Variants in RIPK2 observed in about 807,000 individuals in gnomAD.
RIPK2 encodes receptor interacting serine/threonine kinase 2, also known as receptor-interacting serine/threonine-protein kinase 2.
Under a neutral mutation model 60.9 loss-of-function variants are expected in RIPK2, and 38 were observed. That is an observed-to-expected ratio of 0.62 (90% CI 0.48 to 0.82). RIPK2 has a LOEUF of 0.82. RIPK2 is among the 40% of genes least tolerant of loss of function. The pLI is 0.00. For missense variants in RIPK2, 518 were observed against 647.0 expected (o/e 0.80, Z 2.16); for synonymous variants, 225 against 223.4 (o/e 1.01, Z -0.06).
Position 89,786,578 on chromosome 8 carries a change from T to G in RIPK2, c.1030-15T>G. 7.1e-7 allele frequency: 1 copy of G among 1,408,816 alleles called. No individual in the cohort carries two copies. Among genetic ancestry groups the G allele is most frequent in the Non-Finnish European group, 9.9e-7 (1 of 1,010,696 alleles). 87.3% of individuals were successfully genotyped at this position (1,408,816 alleles called of 1,614,324 possible). A position where few individuals can be genotyped will look rare whatever the true frequency, so the allele number is the denominator to read the frequency against. Reference sequence around the variant, plus strand: ...TTTTTATTAACCTAAACCCTTTATTTTTTATTTACTTTAGGAATCATGTGG... The same window carrying G: ...TTTTTATTAACCTAAACCCTTTATTGTTTATTTACTTTAGGAATCATGTGG... On this transcript the variant is annotated splice_polypyrimidine_tract_variant and intron_variant, in intron 8 of 10. Coordinates refer to ENST00000220751, the MANE Select transcript of RIPK2 (RefSeq NM_003821.6).
In RIPK2 at chr8:89,780,160, G is replaced by A; in HGVS notation, c.939G>A (p.Lys313=). ...CTGTTATTCAGCTAAAGAAAACAAAGGTAAGTTGCTAAATGAAATGCTGGA... is the reference window on the plus strand; with the variant it reads ...CTGTTATTCAGCTAAAGAAAACAAAAGTAAGTTGCTAAATGAAATGCTGGA... ...LEAVIQLKKT[K]LQSVSSAIHL... The change falls in exon 7 of 11, where the codon AAG becomes AAA. Residue 313 remains lysine, a splice_region_variant and synonymous_variant. Coordinates refer to ENST00000220751, the MANE Select transcript of RIPK2 (RefSeq NM_003821.6). The A allele has an allele frequency of 1.4e-6, 2 of 1,473,588 alleles. No individual in the cohort carries two copies. Among genetic ancestry groups the A allele is most frequent in the Non-Finnish European group, 1.9e-6 (2 of 1,075,138 alleles). 91.3% of individuals were successfully genotyped at this position (1,473,588 alleles called of 1,614,324 possible).
Position 89,772,696 on chromosome 8 carries a change from A to G in RIPK2, c.721A>G (p.Ser241Gly). 2 of 1,609,836 alleles carry G rather than the reference A, an allele frequency of 1.2e-6. No homozygotes were observed. The highest frequency in any genetic ancestry group is 1.1e-5 in the South Asian group (1 of 90,570). The part of the protein sequence containing the change: ...DVTNPLQIMY[S>G]VSQGHRPVIN... Reference sequence around the variant, plus strand: ...CACCAATCCTTTGCAGATAATGTATAGTGTGTCACAAGGACATCGACCTGT... The same window carrying G: ...CACCAATCCTTTGCAGATAATGTATGGTGTGTCACAAGGACATCGACCTGT... The change falls in exon 6 of 11, where the codon AGT (serine) becomes GGT (glycine). Residue 241 changes from serine (S) to glycine (G), a missense_variant. By Grantham distance (56) the Ser-to-Gly change is moderately conservative. Around this residue, in one of 3 missense-constraint regions of RIPK2, gnomAD observed 448 missense variants for 534.7 expected, o/e 0.84. Coordinates refer to ENST00000220751, the MANE Select transcript of RIPK2 (RefSeq NM_003821.6).
chr8:89,790,995 C>G lies in RIPK2; in HGVS notation c.*579C>G, dbSNP rs1809669357. On this transcript the variant is annotated 3_prime_UTR_variant, in exon 11 of 11. Coordinates refer to ENST00000220751, the MANE Select transcript of RIPK2 (RefSeq NM_003821.6). Reference sequence around the variant, plus strand: ...TATATTAATACCGGCTTCCTGTCCCCATTTTTAACCTCAGCCTTCCCTACT... The same window carrying G: ...TATATTAATACCGGCTTCCTGTCCCGATTTTTAACCTCAGCCTTCCCTACT... The G allele has an allele frequency of 2.6e-5, 4 of 152,144 alleles. No individual in the cohort carries two copies. Among genetic ancestry groups the G allele is most frequent in the Non-Finnish European group, 5.9e-5 (4 of 68,030 alleles). The allele number at this position is 152,144 out of a possible 1,614,324, so 9.4% of individuals were successfully genotyped here.
At chr8:89,764,643 G>A (rs1273740552) in intron 2 of RIPK2, among the ~76,000 whole-genome samples, 2 of 152,012 alleles carry the variant, frequency 1.3e-5, no homozygotes, top group African/African-American at 4.8e-5. Flanking sequence ...GATATTATTT[G>A]AGTACTATGA....
intron 7 of RIPK2, among the ~76,000 whole-genome samples, chr8:89,782,682 G>A (rs1234572495): frequency 1.3e-5 from 2 of 151,808 alleles, no homozygotes; most frequent in Non-Finnish European, 2.9e-5. Flanking sequence ...AAATTAGTAG[G>A]GAAATTTGTT....
At chr8:89,759,551 C>T (rs1809111145) in intron 1 of RIPK2, 1 of 384,968 alleles carries the variant, frequency 2.6e-6, no homozygotes, top group African/African-American at 2.1e-5. Flanking sequence ...TGTCAGGCTT[C>T]GATGGCCTAA....
At chr8:89,782,135 TG>T (rs1274659562) in intron 7 of RIPK2, among the ~76,000 whole-genome samples, 33 of 151,968 alleles carry the variant, frequency 2.2e-4, no homozygotes, top group Admixed American at 2.2e-3. Context: ...AGTGAGACCC[TG>T]TCTCAAAAAA....
Position 89,790,472 on chromosome 8 carries a change from G to C in RIPK2, c.*56G>C. On this transcript the variant is annotated 3_prime_UTR_variant, in exon 11 of 11. Transcript: ENST00000220751. ...ATAAAAGGATATTTATATCTCTGTTGCTTTGACTTTTTTTATATAAAATCC... is the reference window on the plus strand; with the variant it reads ...ATAAAAGGATATTTATATCTCTGTTCCTTTGACTTTTTTTATATAAAATCC... 7.7e-7 allele frequency: 1 copy of C among 1,292,890 alleles called. No individual in the cohort carries two copies. Among genetic ancestry groups the C allele is most frequent in the South Asian group, 1.5e-5 (1 of 65,848 alleles). The allele number at this position is 1,292,890 out of a possible 1,614,324, so 80.1% of individuals were successfully genotyped here.
chr8:89,782,644 A>G (rs74761486), intron 7 of RIPK2, among the ~76,000 whole-genome samples: 8 of 131,790 alleles, frequency 6.1e-5, no homozygotes, highest in East Asian at 2.3e-4. Flanking sequence ...GTCTCTTAAG[A>G]AAAAAAAAAA....
rs182979676 is a variant in RIPK2, at chr8:89,768,026, A to T, written c.484-1746A>T. 3.6e-3 allele frequency among the ~76,000 whole-genome samples: 550 copies of T among 151,808 alleles called. 1 individual carries two copies. The highest frequency in any genetic ancestry group is 0.013 in the African/African-American group (528 of 41,492). ...ATACTATTTTTGGTGCGGTTTGATG[A>T]ATGCAGACTTTAGTGAAAGTGTCAT... On this transcript the variant is annotated intron_variant, in intron 3 of 10. Coordinates refer to ENST00000220751, the MANE Select transcript of RIPK2 (RefSeq NM_003821.6).
At chr8:89,777,174 A>G (rs1809412412) in intron 6 of RIPK2, among the ~76,000 whole-genome samples, 1 of 152,256 alleles carries the variant, frequency 6.6e-6, no homozygotes, top group African/African-American at 2.4e-5. Flanking sequence ...TATTCAGTGG[A>G]GCACTGATCA....
At chr8:89,778,618 G>T (rs1809442027) in intron 6 of RIPK2, among the ~76,000 whole-genome samples, 1 of 152,114 alleles carries the variant, frequency 6.6e-6, no homozygotes, top group African/African-American at 2.4e-5. Context: ...TGTTTCTCAG[G>T]TTCATCCAGG....
Position 89,758,225 on chromosome 8 carries a change from G to A in RIPK2, c.165G>A (p.Leu55=), listed in dbSNP as rs1190567241. The part of the protein sequence containing the change: ...AVKHLHIHTP[L]LDSERKDVLR... ...AGCACCTGCACATCCACACTCCGCT[G>A]CTCGACAGGTAGGCAGTCACTGGGG... Residue 55 remains leucine, a synonymous_variant, in exon 1 of 11, where the codon CTG becomes CTA. Coordinates refer to ENST00000220751, the MANE Select transcript of RIPK2 (RefSeq NM_003821.6). 6.2e-7 allele frequency: 1 copy of A among 1,605,342 alleles called. No individual in the cohort carries two copies. Among genetic ancestry groups the A allele is most frequent in the Non-Finnish European group, 8.5e-7 (1 of 1,176,894 alleles).
chr8:89,770,563 G>A (rs562262870), intron 4 of RIPK2, among the ~76,000 whole-genome samples: 89 of 151,952 alleles, frequency 5.9e-4, no homozygotes, highest in African/African-American at 2.1e-3. Flanking sequence ...TTCACCTCAT[G>A]TATAAGTTAC....
intron 6 of RIPK2, among the ~76,000 whole-genome samples, chr8:89,778,265 CAGT>C (rs1455144109): frequency 1.3e-5 from 2 of 151,872 alleles, no homozygotes; most frequent in African/African-American, 2.4e-5. Context: ...CAAAGTAACA[CAGT>C]AGCAGAGAGG....
intron 9 of RIPK2, among the ~76,000 whole-genome samples, chr8:89,788,273 G>A (rs962803482): frequency 1.4e-4 from 22 of 152,006 alleles, no homozygotes; most frequent in African/African-American, 5.3e-4. Flanking sequence ...AACCTGGGAG[G>A]CAGGGGTTGC....
intron 7 of RIPK2, among the ~76,000 whole-genome samples, chr8:89,781,354 A>ATTTTTTTTTTTTCTTTTTTTTTTT (rs1554598656): frequency 6.9e-6 from 1 of 144,044 alleles, no homozygotes; most frequent in African/African-American, 2.6e-5. Flanking sequence ...AATAGATTGA[A>ATTTTTTTTTTTTCTTTTTTTTTTT]TTTTTTTTTT....
intron 9 of RIPK2, among the ~76,000 whole-genome samples, chr8:89,787,547 C>T (rs1363436084): frequency 6.6e-6 from 1 of 152,078 alleles, no homozygotes; most frequent in African/African-American, 2.4e-5. Flanking sequence ...GCAAAAGGAA[C>T]AACATACAGG....
intron 3 of RIPK2, among the ~76,000 whole-genome samples, chr8:89,767,978 G>T (rs1809255313): frequency 6.6e-6 from 1 of 151,676 alleles, no homozygotes; most frequent in Non-Finnish European, 1.5e-5. Flanking sequence ...TCACTTAAAT[G>T]TTGATCGTCA....
Sources: gnomAD v4.1 joint callset for allele counts (sites outside exome capture counted in the v4.1 genomes callset) on GRCh38, gnomAD v4.1.1 for gene constraint, gnomAD v4.1.1 regional missense constraint, MANE v1.5 for transcripts, NCBI Gene and HGNC (gene_info 2026-07-23, HGNC 2026-07-21) for gene names.